Variants in GDF1 observed in about 807,000 individuals in gnomAD.
GDF1 encodes the protein embryonic growth/differentiation factor 1.
GDF1 carries 8 observed loss-of-function variants against 7.4 expected under a neutral mutation model. The observed-to-expected ratio is 1.09, with a 90% confidence interval of 0.64 to 1.96. The LOEUF is 1.96. Ranked by LOEUF, GDF1 falls within the 30% of genes most tolerant of loss-of-function variation. GDF1 has a pLI of 0.00. For synonymous variants in GDF1, 311 were observed against 276.7 expected (o/e 1.12, Z -1.23); for missense variants, 574 against 551.5 (o/e 1.04, Z -0.41).
intron 6 of GDF1, among the ~76,000 whole-genome samples, chr19:18,872,905 T>C (rs1002841025): frequency 3.3e-5 from 5 of 152,176 alleles, no homozygotes; most frequent in Non-Finnish European, 1.5e-5. Context: ...CGCCTCAGCC[T>C]CTCAAAGTGC....
At chr19:18,889,429 T>G (rs991466018) in intron 2 of GDF1, among the ~76,000 whole-genome samples, 1 of 151,850 alleles carries the variant, frequency 6.6e-6, no homozygotes, top group African/African-American at 2.4e-5. Context: ...CTCTCCCTCG[T>G]TTTTTGAGAA....
In GDF1 at chr19:18,884,073, G is replaced by A. The variant is rs371448103; in HGVS notation, c.-733+14C>T. 2.2e-5 allele frequency: 36 copies of A among 1,604,806 alleles called. No individual in the cohort carries two copies. The African/African-American group carries it at 4.1e-4, about 18-fold the overall frequency. ...GCTGTGCCTCGGCCCCCTGCCACCC[G>A]ATCCTGTCCTTACCGGAAGGCGTAG... On this transcript the variant is annotated intron_variant, in intron 3 of 7. Transcript: ENST00000247005.
At chr19:18,888,386 C>T (rs1396540216) in intron 2 of GDF1, among the ~76,000 whole-genome samples, 2 of 150,484 alleles carry the variant, frequency 1.3e-5, no homozygotes, top group South Asian at 2.1e-4. Flanking sequence ...GGTGTGGTGG[C>T]TCGTGCCTGT....
chr19:18,893,652 GC>G (rs1190479172), intron 1 of GDF1, 77 bp from the exon 2 acceptor site: 41 of 1,429,364 alleles, frequency 2.9e-5, no homozygotes, highest in Non-Finnish European at 3.8e-5. Flanking sequence ...GGAAACTGAG[GC>G]CCAGGGACTC....
Position 18,869,146 on chromosome 19 carries a change from C to T in GDF1, c.570G>A (p.Leu190=). 8.9e-7 allele frequency: 1 copy of T among 1,118,208 alleles called. No individual in the cohort carries two copies. The highest frequency in any genetic ancestry group is 1.1e-6 in the Non-Finnish European group (1 of 914,576). The allele number at this position is 1,118,208 out of a possible 1,614,324, so 69.3% of individuals were successfully genotyped here. ...PVLLRQLVPA[L]GPPVRAELLG... ...GCAGCTCCGCGCGCACTGGCGGCCCCAGGGCGGGCACCAACTGGCGGAGCA... is the reference window on the plus strand; with the variant it reads ...GCAGCTCCGCGCGCACTGGCGGCCCTAGGGCGGGCACCAACTGGCGGAGCA... The change falls in exon 8 of 8, where the codon CTG becomes CTA. Residue 190 remains leucine, a synonymous_variant. Transcript: ENST00000247005.
intron 6 of GDF1, among the ~76,000 whole-genome samples, chr19:18,876,737 G>A (rs2056067168): frequency 6.6e-6 from 1 of 152,186 alleles, no homozygotes; most frequent in African/African-American, 2.4e-5. Context: ...TACAAAGGGA[G>A]TAGAGGGAGC....
At chr19:18,874,054 C>T (rs1025501613) in intron 6 of GDF1, among the ~76,000 whole-genome samples, 2 of 152,070 alleles carry the variant, frequency 1.3e-5, no homozygotes, top group African/African-American at 2.4e-5. Flanking sequence ...GCAGAGAGCA[C>T]GTTCTCTCCT....
At chr19:18,883,988 G>T in intron 3 of GDF1, 99 bp downstream of exon 3, 1 of 1,306,936 alleles carries the variant, frequency 7.7e-7, no homozygotes, top group Non-Finnish European at 1.0e-6. Flanking sequence ...GACCTGATGT[G>T]ATCCCCTCCA....
intron 6 of GDF1, among the ~76,000 whole-genome samples, chr19:18,876,952 C>A (rs2056070701): frequency 6.6e-6 from 1 of 152,198 alleles, no homozygotes; most frequent in Admixed American, 6.5e-5. Flanking sequence ...TCTCCTCTGA[C>A]CCTGGATTGT....
Position 18,893,623 on chromosome 19 carries a change from G to A in GDF1, c.-1073-48C>T, listed in dbSNP as rs543923315. 1.4e-4 allele frequency: 213 copies of A among 1,561,286 alleles called. 1 individual carries two copies. In the East Asian group the frequency reaches 5.0e-3, roughly 36 times the overall value. ...GCAGCCATTGGTGCTGGGGGCCAGA[G>A]ACTGCTCCTTTGGGGTGGGGAAACT... On this transcript the variant is annotated intron_variant, in intron 1 of 7. Coordinates refer to ENST00000247005, the MANE Select transcript of GDF1 (RefSeq NM_001492.6).
In GDF1 at chr19:18,878,105, C is replaced by A; in HGVS notation, c.-313+825G>T. Reference sequence around the variant, plus strand: ...GCTCTGAGCCACTGCTTCCCTGAAACCATCGTTCCCACGTCACCGATGGCC... The same window carrying A: ...GCTCTGAGCCACTGCTTCCCTGAAAACATCGTTCCCACGTCACCGATGGCC... On this transcript the variant is annotated intron_variant, in intron 6 of 7. Transcript: ENST00000247005. This position sits in a 1 kb window ranked among gnomAD's most constrained non-coding sequence, Gnocchi z 4.6. The A allele has an allele frequency of 1.0e-6, 1 of 985,646 alleles. No homozygotes were observed. Among genetic ancestry groups the A allele is most frequent in the Non-Finnish European group, 1.2e-6 (1 of 830,034 alleles). The allele number at this position is 985,646 out of a possible 1,614,324, so 61.1% of individuals were successfully genotyped here.
intron 6 of GDF1, among the ~76,000 whole-genome samples, chr19:18,871,625 C>G (rs2055972929): frequency 6.6e-6 from 1 of 152,202 alleles, no homozygotes; most frequent in Admixed American, 6.5e-5. Flanking sequence ...CTCAAGCAGT[C>G]AGCCCTCCTC....
intron 4 of GDF1, 128 bp downstream of exon 4, chr19:18,880,146 C>T: frequency 1.0e-6 from 1 of 964,410 alleles, no homozygotes; most frequent in South Asian, 1.7e-5. Flanking sequence ...GAGGCCCCTC[C>T]CCTGTCATGC....
At chr19:18,877,477 G>A (rs564753663) in intron 6 of GDF1, among the ~76,000 whole-genome samples, 1 of 152,344 alleles carries the variant, frequency 6.6e-6, no homozygotes, top group Non-Finnish European at 1.5e-5. Context: ...CAGGCCGGCT[G>A]CAGTGGCTCA....
At chr19:18,890,377 C>T (rs1428836425) in intron 2 of GDF1, among the ~76,000 whole-genome samples, 2 of 152,264 alleles carry the variant, frequency 1.3e-5, no homozygotes, top group East Asian at 1.9e-4. Flanking sequence ...CATGAGGGCA[C>T]AGGGCTTTCT....
chr19:18,868,936 G>A lies in GDF1; in HGVS notation c.780C>T (p.Gly260=), dbSNP rs886042202. 11 of 1,285,274 alleles carry A rather than the reference G, an allele frequency of 8.6e-6. No individual in the cohort carries two copies. The highest frequency in any genetic ancestry group is 3.9e-5 in the Admixed American group (1 of 25,674). The allele number at this position is 1,285,274 out of a possible 1,614,324, so 79.6% of individuals were successfully genotyped here. Residue 260 remains glycine (G), a synonymous_variant, in exon 8 of 8, where the codon GGC becomes GGT. Coordinates refer to ENST00000247005, the MANE Select transcript of GDF1 (RefSeq NM_001492.6). ...RPRRDAEPVL[G]GGPGGACRAR... ...CGCGACAAGCGCCCCCGGGGCCGCC[G>A]CCCAACACGGGTTCGGCGTCGCGCC...
intron 2 of GDF1, among the ~76,000 whole-genome samples, chr19:18,884,568 C>T (rs558326537): frequency 1.3e-4 from 20 of 152,016 alleles, no homozygotes; most frequent in Admixed American, 8.5e-4. Flanking sequence ...CCACCAAGCC[C>T]GGCTAATTTT....
At position 18,878,576 on chromosome 19, in the gene GDF1, G is replaced by C. The variant is rs369729899; in HGVS notation, c.-313+354C>G. On this transcript the variant is annotated intron_variant, in intron 6 of 7. Transcript: ENST00000247005. This position sits in a 1 kb window ranked among gnomAD's most constrained non-coding sequence, Gnocchi z 4.6. Reference sequence around the variant, plus strand: ...AGCTCCAGTGGCGACATGGGTCAGAGGTCGTCATCCAGGCTGGCCAGCAAC... The same window carrying C: ...AGCTCCAGTGGCGACATGGGTCAGACGTCGTCATCCAGGCTGGCCAGCAAC... 179 of 1,093,348 alleles carry C rather than the reference G, an allele frequency of 1.6e-4. 3 individuals carry two copies. The South Asian group carries it at 3.7e-3, about 22-fold the overall frequency. 67.7% of individuals were successfully genotyped at this position (1,093,348 alleles called of 1,614,324 possible). A position where few individuals can be genotyped will look rare whatever the true frequency, so the allele number is the denominator to read the frequency against.
chr19:18,894,264 G>C (rs1211090589), intron 1 of GDF1, among the ~76,000 whole-genome samples: 3 of 151,738 alleles, frequency 2.0e-5, no homozygotes, highest in Non-Finnish European at 1.5e-5. Flanking sequence ...GGTGGGTGGC[G>C]GGGCGCGGCT....
Sources: allele counts gnomAD v4.1 joint callset (sites outside exome capture counted in the v4.1 genomes callset), GRCh38; gene constraint gnomAD v4.1.1; non-coding constraint Gnocchi (gnomAD v3.1); transcripts MANE v1.5; gene names NCBI Gene and HGNC (gene_info 2026-07-23, HGNC 2026-07-21).